ASCC3: variants seen among roughly 807,000 people sequenced by gnomAD.
ASCC3 encodes activating signal cointegrator 1 complex subunit 3, also known as ASC-1 complex subunit P200.
ASCC3 carries 158 observed loss-of-function variants against 256.3 expected under a neutral mutation model. The observed-to-expected ratio is 0.62, with a 90% CI of 0.54 to 0.70. The LOEUF (loss-of-function observed/expected upper bound fraction) is 0.70, where lower values mean the gene tolerates loss of function less well. Among genes scored for constraint, ASCC3 ranks in the 30% least tolerant of loss-of-function variants. The pLI, the probability that ASCC3 is intolerant of heterozygous loss-of-function variation, is 0.00. For missense variants in ASCC3, 2,259 were observed against 2,626.0 expected, an observed-to-expected ratio of 0.86 and a Z score of 3.05; for synonymous variants, 948 against 883.4, an observed-to-expected ratio of 1.07 and a Z score of -1.30.
At chr6:100,623,711 A>G (rs1289587293) in intron 30 of ASCC3, among the ~76,000 whole-genome samples, 1 of 152,186 alleles carries the variant, frequency 6.6e-6, no homozygotes, top group Admixed American at 6.6e-5. Context: ...ATTTAGGAAA[A>G]TATTTTTCAA....
At chr6:100,874,593 A>C (rs11755579) in intron 1 of ASCC3, among the ~76,000 whole-genome samples, 53,519 of 151,862 alleles carry the variant, frequency 0.35, 10,836 homozygotes, top group Middle Eastern at 0.49. Flanking sequence ...TTATTCATTC[A>C]CTAAGCAAAT....
At chr6:100,542,281 G>C (rs148581871) in intron 36 of ASCC3, among the ~76,000 whole-genome samples, 2 of 152,246 alleles carry the variant, frequency 1.3e-5, no homozygotes, top group East Asian at 3.9e-4. Flanking sequence ...AGCAGCCAGA[G>C]GAAACACTAT....
rs556710608 is a variant in ASCC3 at position 100,814,861 on chromosome 6, T to C, written c.802-8981A>G. Among the ~76,000 whole-genome samples the C allele has an allele frequency of 1.5e-4, 23 of 152,150 alleles. No individual in the cohort carries two copies. The South Asian group carries it at 4.6e-3, about 30-fold the overall frequency. On this transcript the variant is annotated intron_variant, in intron 4 of 41. Coordinates refer to ENST00000369162, the MANE Select transcript of ASCC3 (RefSeq NM_006828.4). ...TTCATTAGTCTAGCTAGCAGTCTAT[T>C]TTATTAATTTTTTTTCAAAAAATCA...
chr6:100,838,959 A>G (rs979153038), intron 4 of ASCC3, among the ~76,000 whole-genome samples: 29 of 152,110 alleles, frequency 1.9e-4, no homozygotes, highest in Non-Finnish European at 2.6e-4. Flanking sequence ...AACCATACTT[A>G]TTTATGTTTA....
intron 30 of ASCC3, among the ~76,000 whole-genome samples, chr6:100,620,530 C>A (rs1410902208): frequency 6.6e-6 from 1 of 152,108 alleles, no homozygotes; most frequent in East Asian, 1.9e-4. Context: ...CTCTCTCTAG[C>A]CTCTTGTGAT....
chr6:100,551,365 A>G (rs1769291384), intron 36 of ASCC3, among the ~76,000 whole-genome samples: 1 of 151,988 alleles, frequency 6.6e-6, no homozygotes, highest in South Asian at 2.1e-4. Flanking sequence ...AGGAAGAGGT[A>G]CATATAATAA....
At chr6:100,636,552 T>C (rs1306910541) in intron 25 of ASCC3, among the ~76,000 whole-genome samples, 1 of 152,140 alleles carries the variant, frequency 6.6e-6, no homozygotes, top group African/African-American at 2.4e-5. Flanking sequence ...TGCATGTCTC[T>C]CACTTTAAAT....
At chr6:100,757,025 A>G (rs1243081508) in intron 10 of ASCC3, among the ~76,000 whole-genome samples, 2 of 152,140 alleles carry the variant, frequency 1.3e-5, no homozygotes, top group African/African-American at 2.4e-5. Context: ...AACTTTGTTC[A>G]AAGTATTGCA....
chr6:100,767,983 A>AT (rs1445578448), intron 8 of ASCC3, among the ~76,000 whole-genome samples: 1 of 152,084 alleles, frequency 6.6e-6, no homozygotes, highest in Non-Finnish European at 1.5e-5. Context: ...AAATACAGGT[A>AT]TTTTTTGAGT....
intron 3 of ASCC3, among the ~76,000 whole-genome samples, chr6:100,855,748 T>C (rs549377078): frequency 1.3e-5 from 2 of 152,338 alleles, no homozygotes; most frequent in East Asian, 3.9e-4. Flanking sequence ...TAATGGTTAT[T>C]AGCACATCTA....
chr6:100,737,698 A>G (rs779465663), intron 10 of ASCC3, among the ~76,000 whole-genome samples: 10 of 152,178 alleles, frequency 6.6e-5, no homozygotes, highest in Non-Finnish European at 1.5e-4. Flanking sequence ...ATACATGTAC[A>G]TGTATCTTTG....
chr6:100,566,352 T>C (rs149757360), intron 36 of ASCC3, among the ~76,000 whole-genome samples: 2 of 152,224 alleles, frequency 1.3e-5, no homozygotes, highest in African/African-American at 4.8e-5. Context: ...GTTAAAATGG[T>C]CATGCTGAGA....
At chr6:100,797,530 A>C (rs1769690983) in intron 8 of ASCC3, among the ~76,000 whole-genome samples, 2 of 151,046 alleles carry the variant, frequency 1.3e-5, no homozygotes, top group Admixed American at 1.3e-4. Context: ...ATAAAACTTA[A>C]TAAATCTTAA....
chr6:100,672,433 A>G (rs1369450178), intron 14 of ASCC3, among the ~76,000 whole-genome samples: 1 of 152,074 alleles, frequency 6.6e-6, no homozygotes, highest in African/African-American at 2.4e-5. Flanking sequence ...ACTAGATGAT[A>G]AAGTCCATTC....
At chr6:100,879,354 C>A (rs922162967) in intron 1 of ASCC3, among the ~76,000 whole-genome samples, 4 of 152,174 alleles carry the variant, frequency 2.6e-5, no homozygotes, top group Non-Finnish European at 4.4e-5. Flanking sequence ...TAATCTTCAG[C>A]CCCTCTCTCA....
Position 100,584,712 on chromosome 6 carries a change from C to T in ASCC3, c.5550+4922G>A, listed in dbSNP as rs556103401. ...TTTAGATTTTGGCATGATTTTGCAG[C>T]GGCTGGTACCGGTTTTTCCTTTCCA... On this transcript the variant is annotated intron_variant, in intron 36 of 41. Coordinates refer to ENST00000369162, the MANE Select transcript of ASCC3 (RefSeq NM_006828.4). Among the ~76,000 whole-genome samples, 11 of 152,012 alleles carry T rather than the reference C, an allele frequency of 7.2e-5. No homozygotes were observed. The South Asian group carries it at 8.4e-4, about 12-fold the overall frequency.
chr6:100,744,287 T>C (rs1780566749), intron 10 of ASCC3, among the ~76,000 whole-genome samples: 1 of 152,100 alleles, frequency 6.6e-6, no homozygotes, highest in South Asian at 2.1e-4. Flanking sequence ...GGAAGGAGAA[T>C]GGAGGAGTAG....
intron 34 of ASCC3, among the ~76,000 whole-genome samples, chr6:100,590,977 T>C (rs1359829379): frequency 6.6e-6 from 1 of 152,082 alleles, no homozygotes; most frequent in Non-Finnish European, 1.5e-5. Flanking sequence ...CCCCATTACA[T>C]AAAAATTATT....
At chr6:100,543,601 C>T (rs975423422) in intron 36 of ASCC3, among the ~76,000 whole-genome samples, 1 of 151,966 alleles carries the variant, frequency 6.6e-6, no homozygotes, top group Non-Finnish European at 1.5e-5. Flanking sequence ...CAAAGATTAT[C>T]ATCATGGATA....
Sources: gnomAD v4.1 joint callset for allele counts (sites outside exome capture counted in the v4.1 genomes callset) on GRCh38, gnomAD v4.1.1 for gene constraint, MANE v1.5 for transcripts, NCBI Gene and HGNC (gene_info 2026-07-23, HGNC 2026-07-21) for gene names.